Variants in RUBCN observed in about 807,000 individuals in gnomAD.
RUBCN encodes the protein run domain Beclin-1-interacting and cysteine-rich domain-containing protein.
In RUBCN, 74 loss-of-function variants were observed where a neutral mutation model predicts 113.2. The observed-to-expected ratio is 0.65, with a 90% CI of 0.54 to 0.79. RUBCN has a LOEUF of 0.79. RUBCN is among the 30% of genes least tolerant of loss of function. The pLI is 0.00. For synonymous variants in RUBCN, 480 were observed against 490.0 expected (o/e 0.98, Z 0.27); for missense variants, 1,109 against 1,251.7 (o/e 0.89, Z 1.72).
chr3:197,714,057 C>T (rs950384592), intron 2 of RUBCN, among the ~76,000 whole-genome samples: 2 of 151,812 alleles, frequency 1.3e-5, no homozygotes, highest in South Asian at 4.1e-4. Context: ...GCCTGGGCGA[C>T]AGAGCGAGAC....
At chr3:197,720,358 T>C (rs1726009675) in intron 1 of RUBCN, among the ~76,000 whole-genome samples, 1 of 152,166 alleles carries the variant, frequency 6.6e-6, no homozygotes, top group African/African-American at 2.4e-5. Flanking sequence ...GGTTGAAGTG[T>C]ATTCCATAGT....
chr3:197,712,666 A>G (rs1164612084), intron 2 of RUBCN, among the ~76,000 whole-genome samples: 1 of 152,190 alleles, frequency 6.6e-6, no homozygotes, highest in African/African-American at 2.4e-5. Context: ...CCATATGACA[A>G]ATCTGCCTGA....
chr3:197,733,458 A>G (rs955437602), intron 1 of RUBCN, among the ~76,000 whole-genome samples: 7 of 152,216 alleles, frequency 4.6e-5, no homozygotes, highest in Non-Finnish European at 1.0e-4. Context: ...CTCCAGCCTG[A>G]GTGACACAGT....
intron 3 of RUBCN, 96 bp downstream of exon 3, chr3:197,704,995 TA>T: frequency 1.1e-6 from 1 of 934,610 alleles, no homozygotes; most frequent in Non-Finnish European, 1.7e-6. Flanking sequence ...CAACTGGACA[TA>T]TTCCCTCCTT....
upstream of RUBCN, chr3:197,736,944 ACTCCGAGGCTAGGCCG>A (rs1230057851): frequency 3.5e-5 from 46 of 1,327,806 alleles, no homozygotes; most frequent in Non-Finnish European, 4.1e-5. Flanking sequence ...CCCGGCGAGC[ACTCCGAGGCTAGGCCG>A]CTCCCGCAGG....
chr3:197,680,290 A>G (rs1370567105), intron 16 of RUBCN, among the ~76,000 whole-genome samples: 53 of 117,646 alleles, frequency 4.5e-4, no homozygotes, highest in Admixed American at 2.1e-3. Flanking sequence ...AGACTGTCCT[A>G]CGCTCTGACA....
intron 1 of RUBCN, chr3:197,748,397 T>C (rs2109028485): frequency 6.6e-6 from 1 of 152,356 alleles, no homozygotes; most frequent in Non-Finnish European, 1.5e-5. Flanking sequence ...TTAAAGTTTC[T>C]TGTGCCCCTT....
Position 197,681,915 on chromosome 3 carries a change from G to T in RUBCN, c.2127-16C>A. The stretch of plus-strand genomic sequence containing the variant: ...AATTTTCCTCCTGAGGAAGGGTAAG[G>T]ACAGGGCATTGGCACAGAGCAGCTG... On this transcript the variant is annotated splice_polypyrimidine_tract_variant and intron_variant, in intron 14 of 19. Transcript: ENST00000296343. The surrounding 1 kb of genome is among the most constrained non-coding windows in gnomAD (Gnocchi z 5.5). 1 of 1,611,074 alleles carries T rather than the reference G, an allele frequency of 6.2e-7. No individual in the cohort carries two copies. The highest frequency in any genetic ancestry group is 8.5e-7 in the Non-Finnish European group (1 of 1,177,428).
At chr3:197,747,128 T>C (rs557601208) in intron 1 of RUBCN, among the ~76,000 whole-genome samples, 1 of 152,262 alleles carries the variant, frequency 6.6e-6, no homozygotes, top group South Asian at 2.1e-4. Context: ...TTTTACTGTG[T>C]GTGTCTCGGG....
intron 11 of RUBCN, among the ~76,000 whole-genome samples, chr3:197,687,141 C>T (rs1417658583): frequency 6.6e-6 from 1 of 152,198 alleles, no homozygotes; most frequent in African/African-American, 2.4e-5. Context: ...TTCCATCCTG[C>T]TTTCTTTCTA....
rs116770599 is a variant in RUBCN, at chr3:197,728,636, C to T, written c.65+8019G>A. The stretch of plus-strand genomic sequence containing the variant: ...ATTCCTCAAACAAATATTCACTGAA[C>T]ACCAACTATATGTCAGGCACTGGGC... On this transcript the variant is annotated intron_variant, in intron 1 of 19. Coordinates refer to ENST00000296343, the MANE Select transcript of RUBCN (RefSeq NM_014687.4). 1.8e-3 allele frequency among the ~76,000 whole-genome samples: 279 copies of T among 152,284 alleles called. 2 individuals are homozygous for T. The highest frequency in any genetic ancestry group is 6.5e-3 in the African/African-American group (269 of 41,550).
chr3:197,694,550 A>G lies in RUBCN; in HGVS notation c.1509T>C (p.Ile503=), dbSNP rs1722794778. 1 of 1,614,068 alleles carries G rather than the reference A, an allele frequency of 6.2e-7. No homozygotes were observed. The highest frequency in any genetic ancestry group is 8.5e-7 in the Non-Finnish European group (1 of 1,180,034). ...TGCACTTCATTAGCTCGATGGCAGC[A>G]ATTAAGGACTCTGAGATGCTGAAGT... ...NAHFSISESL[I]AAIELMKCNM... Residue 503 remains isoleucine (I), a synonymous_variant, in exon 10 of 20, where the codon ATT becomes ATC. Coordinates refer to ENST00000296343, the MANE Select transcript of RUBCN (RefSeq NM_014687.4).
Position 197,730,885 on chromosome 3 carries a change from CTTT to C in RUBCN, c.65+5767_65+5769del, listed in dbSNP as rs71166707. ...TTTTTTTTTCATATTTTAAAAGCAT[CTTT>C]TTTTTTTTTTTTTTTTTTTTTTTTT... On this transcript the variant is annotated intron_variant, in intron 1 of 19. Transcript: ENST00000296343. Among the ~76,000 whole-genome samples, 196 of 49,996 alleles carry C rather than the reference CTTT, an allele frequency of 3.9e-3. 1 individual carries two copies. Among genetic ancestry groups the C allele is most frequent in the African/African-American group, 0.015 (186 of 12,536 alleles). The allele number at this position is 49,996 out of a possible 152,430, so 32.8% of individuals were successfully genotyped here. A position where few individuals can be genotyped will look rare whatever the true frequency, so the allele number is the denominator to read the frequency against.
rs927334505 is a variant in RUBCN, at chr3:197,681,019, G to T, written c.2430+110C>A. ...AGAGGAGACGAGGGGAGGGGATGGG[G>T]GGAGGGGACAAGAGGAGGGGATGGG... On this transcript the variant is annotated intron_variant, in intron 16 of 19. Coordinates refer to ENST00000296343, the MANE Select transcript of RUBCN (RefSeq NM_014687.4). The surrounding 1 kb of genome is among the most constrained non-coding windows in gnomAD (Gnocchi z 5.5). 3.7e-4 allele frequency: 240 copies of T among 650,620 alleles called. No homozygotes were observed. Among genetic ancestry groups the T allele is most frequent in the Non-Finnish European group, 5.9e-4 (212 of 358,618 alleles). 40.3% of individuals were successfully genotyped at this position (650,620 alleles called of 1,614,324 possible).
In RUBCN at chr3:197,710,281, T is replaced by G. The variant is rs535312275; in HGVS notation, c.220-5106A>C. ...TTGACTTACTAAAAGTCAGATATTT[T>G]GGCACAGTAAAAGCCACCATAAGAA... On this transcript the variant is annotated intron_variant, in intron 2 of 19. Transcript: ENST00000296343. 2.6e-5 allele frequency among the ~76,000 whole-genome samples: 4 copies of G among 152,210 alleles called. No individual in the cohort carries two copies. The South Asian group carries it at 8.3e-4, about 32-fold the overall frequency.
intron 9 of RUBCN, 65 bp from the exon 10 acceptor site, chr3:197,694,650 T>G (rs1423222255): frequency 1.4e-6 from 2 of 1,426,598 alleles, no homozygotes; most frequent in African/African-American, 2.8e-5. Context: ...CTCATTATAA[T>G]GTGGAAAAGG....
At position 197,710,822 on chromosome 3, in the gene RUBCN, T is replaced by C. The variant is rs531931523; in HGVS notation, c.220-5647A>G. 2.0e-5 allele frequency among the ~76,000 whole-genome samples: 3 copies of C among 152,234 alleles called. No homozygotes were observed. The East Asian group carries it at 5.8e-4, about 29-fold the overall frequency. ...TCATGCTAAGAGAAGTGTAATCTTTTACTTTTTTTTTTTTGAGATGGAGTC... is the reference window on the plus strand; with the variant it reads ...TCATGCTAAGAGAAGTGTAATCTTTCACTTTTTTTTTTTTGAGATGGAGTC... On this transcript the variant is annotated intron_variant, in intron 2 of 19. Transcript: ENST00000296343.
intron 5 of RUBCN, among the ~76,000 whole-genome samples, chr3:197,702,714 T>G (rs1406549714): frequency 6.6e-6 from 1 of 152,030 alleles, no homozygotes; most frequent in Non-Finnish European, 1.5e-5. Context: ...TCTGGAGAGA[T>G]AGGGGATCTG....
At chr3:197,688,872 T>C (rs1031536723) in intron 11 of RUBCN, among the ~76,000 whole-genome samples, 1 of 152,008 alleles carries the variant, frequency 6.6e-6, no homozygotes, top group Non-Finnish European at 1.5e-5. Flanking sequence ...AGCAGCTGAG[T>C]GGGGCTGCGA....
Sources: allele counts gnomAD v4.1 joint callset (sites outside exome capture counted in the v4.1 genomes callset), GRCh38; gene constraint gnomAD v4.1.1; non-coding constraint Gnocchi (gnomAD v3.1); transcripts MANE v1.5; gene names NCBI Gene and HGNC (gene_info 2026-07-23, HGNC 2026-07-21).